Variants in AGBL1 observed in about 807,000 individuals in gnomAD.
The protein encoded by AGBL1 is AGBL carboxypeptidase 1, also known as cytosolic carboxypeptidase 4.
Under a neutral mutation model 118.9 loss-of-function variants are expected in AGBL1, and 130 were observed. The ratio of observed to expected loss-of-function variants is 1.09; its 90% confidence interval spans 0.95 to 1.26. The LOEUF (loss-of-function observed/expected upper bound fraction) is 1.26. AGBL1 is among the 50% of genes most tolerant of loss of function. The probability of loss-of-function intolerance (pLI) is 0.00; values close to 1 mark genes in which losing one functional copy is unlikely to be tolerated. For missense variants in AGBL1, 1,584 were observed against 1,298.1 expected, an observed-to-expected ratio of 1.22 and a Z score of -3.38; for synonymous variants, 555 against 478.9, an observed-to-expected ratio of 1.16 and a Z score of -2.08.
At chr15:86,545,710 T>C (rs2083570474) in intron 19 of AGBL1, among the ~76,000 whole-genome samples, 1 of 152,154 alleles carries the variant, frequency 6.6e-6, no homozygotes, top group South Asian at 2.1e-4. Context: ...CAGTCACAAG[T>C]AAATTTATCA....
rs777259476 is a variant in AGBL1, at chr15:86,264,376, C to T, written c.1205C>T (p.Ser402Phe). Residue 402 changes from serine to phenylalanine, a missense_variant, in exon 11 of 23, where the codon TCC becomes TTC. Physicochemically the swap from Ser to Phe is radical, Grantham distance 155 (BLOSUM62 -2). Coordinates refer to ENST00000614907, the MANE Select transcript of AGBL1 (RefSeq NM_001386094.1). ...CATTGCTACAGCAAGGACCAAAGCT[C>T]CTGTGGGCAAGAAAGAGAATATGCT... The part of the protein sequence containing the change: ...KQHCYSKDQS[S>F]CGQEREYAVQ... The T allele has an allele frequency of 1.9e-6, 3 of 1,613,702 alleles. No individual in the cohort carries two copies. Among genetic ancestry groups the T allele is most frequent in the South Asian group, 2.2e-5 (2 of 91,008 alleles).
chr15:86,161,952 A>G (rs1299978850), intron 5 of AGBL1, among the ~76,000 whole-genome samples: 1 of 152,248 alleles, frequency 6.6e-6, no homozygotes, highest in East Asian at 1.9e-4. Flanking sequence ...ATGTGTAAAG[A>G]CATCGTGTGC....
intron 17 of AGBL1, among the ~76,000 whole-genome samples, chr15:86,341,178 C>A (rs143765899): frequency 6.6e-6 from 1 of 152,204 alleles, no homozygotes; most frequent in East Asian, 1.9e-4. Context: ...TCATTGGGAC[C>A]TGTCCAGAGT....
intron 17 of AGBL1, among the ~76,000 whole-genome samples, chr15:86,351,531 T>C (rs2080626104): frequency 6.6e-6 from 1 of 152,156 alleles, no homozygotes; most frequent in Admixed American, 6.5e-5. Context: ...CTCTTGAAAT[T>C]AACAAATTTC....
chr15:86,262,141 G>A (rs1175472648), intron 9 of AGBL1, among the ~76,000 whole-genome samples: 1 of 119,094 alleles, frequency 8.4e-6, no homozygotes, highest in Non-Finnish European at 1.6e-5. Flanking sequence ...GAGTCCTCCT[G>A]AGATCTCCTA....
chr15:86,572,815 T>C lies in AGBL1; in HGVS notation c.2994+18278T>C, dbSNP rs573713869. Among the ~76,000 whole-genome samples, 100 of 152,352 alleles carry C rather than the reference T, an allele frequency of 6.6e-4. No homozygotes were observed. In the East Asian group the frequency reaches 0.018, roughly 28 times the overall value. On this transcript the variant is annotated intron_variant, in intron 21 of 22. Coordinates refer to ENST00000614907, the MANE Select transcript of AGBL1 (RefSeq NM_001386094.1). The stretch of plus-strand genomic sequence containing the variant: ...GGACGGCCCGCCCCTGCCATCAGTG[T>C]GGCACTGCTGCCTGGAATTTTCTAT...
At chr15:86,406,711 ATATCTT>A (rs2081535119) in intron 18 of AGBL1, among the ~76,000 whole-genome samples, 2 of 152,230 alleles carry the variant, frequency 1.3e-5, no homozygotes, top group South Asian at 4.1e-4. Context: ...TATATCAGCT[ATATCTT>A]TAAGTATATT....
Position 86,589,892 on chromosome 15 carries a change from C to G in AGBL1, c.2994+35355C>G, listed in dbSNP as rs182137494. 1.4e-4 allele frequency among the ~76,000 whole-genome samples: 21 copies of G among 152,206 alleles called. No individual in the cohort carries two copies. The East Asian group carries it at 3.1e-3, about 22-fold the overall frequency. ...TATTTCTGTATGCATTTCCTAAAAA[C>G]AAGGTTTTAGCTATCTTGTATAGCT... On this transcript the variant is annotated intron_variant, in intron 21 of 22. Transcript: ENST00000614907.
chr15:86,090,403 C>T (rs1399055545), intron 1 of AGBL1, among the ~76,000 whole-genome samples: 1 of 152,174 alleles, frequency 6.6e-6, no homozygotes, highest in African/African-American at 2.4e-5. Flanking sequence ...TTCGTAAGCA[C>T]TTGCTAAGTA....
intron 24 of AGBL1, among the ~76,000 whole-genome samples, chr15:86,998,563 G>C (rs7168304): frequency 0.099 from 15,069 of 152,184 alleles, 1,329 homozygotes; most frequent in African/African-American, 0.23. Context: ...CCTAGACTTA[G>C]AGAAATTGAA....
chr15:86,816,480 T>G (rs1300817607), intron 22 of AGBL1, among the ~76,000 whole-genome samples: 1 of 152,150 alleles, frequency 6.6e-6, no homozygotes. Context: ...ATCAGGAGGA[T>G]AGGTTAAAAG....
chr15:86,860,535 A>G (rs1460674698), intron 22 of AGBL1, among the ~76,000 whole-genome samples: 1 of 152,120 alleles, frequency 6.6e-6, no homozygotes, highest in Non-Finnish European at 1.5e-5. Flanking sequence ...GAGGCTGTTC[A>G]TTAGAGCCTG....
At chr15:86,149,262 A>G (rs1234179715) in intron 3 of AGBL1, among the ~76,000 whole-genome samples, 1 of 152,224 alleles carries the variant, frequency 6.6e-6, no homozygotes, top group Non-Finnish European at 1.5e-5. Flanking sequence ...GACAGGATCA[A>G]ATTTACACAT....
intron 1 of AGBL1, among the ~76,000 whole-genome samples, chr15:86,114,260 G>A (rs368460806): frequency 1.3e-5 from 2 of 152,202 alleles, no homozygotes; most frequent in East Asian, 3.9e-4. Context: ...ATTTGATAGT[G>A]GCTCTGTGTC....
intron 22 of AGBL1, among the ~76,000 whole-genome samples, chr15:86,804,054 A>C (rs2078686570): frequency 6.6e-6 from 1 of 152,184 alleles, no homozygotes; most frequent in South Asian, 2.1e-4. Context: ...AGACATGAAA[A>C]AAACCAACCC....
chr15:86,384,681 C>T (rs2081159106), intron 17 of AGBL1, among the ~76,000 whole-genome samples: 1 of 152,138 alleles, frequency 6.6e-6, no homozygotes, highest in Non-Finnish European at 1.5e-5. Context: ...GCCTCGATTA[C>T]ACCACTTCCT....
At chr15:86,225,001 T>C in intron 6 of AGBL1, 50 bp downstream of exon 6, 1 of 1,578,730 alleles carries the variant, frequency 6.3e-7, no homozygotes, top group South Asian at 1.1e-5. Context: ...CTGGGTTTAA[T>C]GAAAGATACT....
At chr15:87,009,370 G>A (rs2081535611) in intron 24 of AGBL1, among the ~76,000 whole-genome samples, 1 of 152,194 alleles carries the variant, frequency 6.6e-6, no homozygotes, top group Admixed American at 6.5e-5. Flanking sequence ...CAGAAGTCAA[G>A]AATTGAGGTT....
At chr15:86,459,372 C>T (rs953121062) in intron 18 of AGBL1, among the ~76,000 whole-genome samples, 7 of 152,124 alleles carry the variant, frequency 4.6e-5, no homozygotes, top group Non-Finnish European at 1.0e-4. Flanking sequence ...CAACGAGTGA[C>T]AAATGTTCAT....
Sources: allele counts gnomAD v4.1 joint callset (sites outside exome capture counted in the v4.1 genomes callset), GRCh38; gene constraint gnomAD v4.1.1; transcripts MANE v1.5; gene names NCBI Gene and HGNC (gene_info 2026-07-23, HGNC 2026-07-21).